The following DOCK5 variants were observed in gnomAD, a reference collection of about 807,000 sequenced individuals.
The protein encoded by DOCK5 is dedicator of cytokinesis 5, also known as dedicator of cytokinesis protein 5.
In DOCK5, 142 loss-of-function variants were observed where a neutral mutation model predicts 251.8. The observed-to-expected ratio is 0.56, with a 90% CI of 0.49 to 0.65. DOCK5 has a LOEUF of 0.65. Among genes scored for constraint, DOCK5 ranks in the 30% least tolerant of loss-of-function variants. The probability of loss-of-function intolerance (pLI) is 0.00; values close to 1 mark genes in which losing one functional copy is unlikely to be tolerated. For synonymous variants in DOCK5, 842 were observed against 835.5 expected (o/e 1.01, Z -0.13); for missense variants, 2,111 against 2,312.3 (o/e 0.91, Z 1.79).
chr8:25,316,945 A>T, intron 13 of DOCK5, 62 bp from the exon 14 acceptor site: 1 of 1,594,050 alleles, frequency 6.3e-7, no homozygotes, highest in Non-Finnish European at 8.6e-7. Context: ...ATGTCGTATG[A>T]CATTCTGAAA....
At chr8:25,211,813 A>T (rs1160005659) in intron 1 of DOCK5, among the ~76,000 whole-genome samples, 1 of 68,866 alleles carries the variant, frequency 1.5e-5, no homozygotes, top group African/African-American at 3.3e-5. Context: ...ATCTCTAAAT[A>T]AATTAATTAA....
chr8:25,199,053 C>T (rs1801804040), intron 1 of DOCK5, among the ~76,000 whole-genome samples: 2 of 152,140 alleles, frequency 1.3e-5, no homozygotes, highest in African/African-American at 4.8e-5. Context: ...ACGGTTTGGC[C>T]ACTGACTTCT....
intron 20 of DOCK5, among the ~76,000 whole-genome samples, chr8:25,333,071 A>G (rs1029687353): frequency 1.3e-5 from 2 of 152,232 alleles, no homozygotes; most frequent in African/African-American, 4.8e-5. Context: ...TCAGAGGTGA[A>G]TCTGAGCCTC....
intron 29 of DOCK5, 103 bp downstream of exon 29, chr8:25,363,244 A>G (rs1702128311): frequency 2.2e-6 from 2 of 927,966 alleles, no homozygotes; most frequent in East Asian, 2.4e-5. Flanking sequence ...CAAACCCATC[A>G]TCTGTAAAGT....
intron 38 of DOCK5, among the ~76,000 whole-genome samples, chr8:25,379,560 CAT>C (rs532182530): frequency 1.4e-4 from 21 of 152,232 alleles, no homozygotes; most frequent in African/African-American, 4.1e-4. Flanking sequence ...TTCAAACGCA[CAT>C]GTTTTACAAT....
intron 1 of DOCK5, among the ~76,000 whole-genome samples, chr8:25,239,930 G>T (rs1253805899): frequency 6.6e-6 from 1 of 152,154 alleles, no homozygotes; most frequent in East Asian, 1.9e-4. Flanking sequence ...GAAAACAGGT[G>T]GCTGGACGTG....
chr8:25,362,462 C>CTTTTTTTTTTTTTTTTT (rs869096662), intron 28 of DOCK5, among the ~76,000 whole-genome samples: 27 of 54,622 alleles, frequency 4.9e-4, no homozygotes, highest in South Asian at 7.0e-4. Flanking sequence ...CTTTTCTTTT[C>CTTTTTTTTTTTTTTTTT]TTTTTTTTTT....
Position 25,395,741 on chromosome 8 carries a change from C to A in DOCK5, c.4704+22C>A, listed in dbSNP as rs763246176. The A allele has an allele frequency of 1.9e-6, 3 of 1,605,732 alleles. No homozygotes were observed. The African/African-American group carries it at 4.0e-5, about 21-fold the overall frequency. ...AAAGGTTCGCTTGGTCCCAGAATCC[C>A]CTAGGGATTCACAGACCTGGGTGTC... On this transcript the variant is annotated intron_variant, in intron 45 of 51. Coordinates refer to ENST00000276440, the MANE Select transcript of DOCK5 (RefSeq NM_024940.8).
rs1480770022 is a variant in DOCK5, at chr8:25,304,458, G to T, written c.1049+131G>T. 6.6e-6 allele frequency: 5 copies of T among 762,434 alleles called. No individual in the cohort carries two copies. The Admixed American group carries it at 9.7e-5, about 15-fold the overall frequency. The allele number at this position is 762,434 out of a possible 1,614,324, so 47.2% of individuals were successfully genotyped here. Reference sequence around the variant, plus strand: ...AAGATTCTAAGCTGCAAGATTGTCAGATAGGAGCTGAACAGAAGACTTTAT... The same window carrying T: ...AAGATTCTAAGCTGCAAGATTGTCATATAGGAGCTGAACAGAAGACTTTAT... On this transcript the variant is annotated intron_variant, in intron 11 of 51. Coordinates refer to ENST00000276440, the MANE Select transcript of DOCK5 (RefSeq NM_024940.8).
chr8:25,377,912 T>TC (rs1254141105), intron 38 of DOCK5, among the ~76,000 whole-genome samples: 2 of 145,800 alleles, frequency 1.4e-5, no homozygotes, highest in Non-Finnish European at 3.0e-5. Flanking sequence ...TGGGGTTTCT[T>TC]TTTTTTTTTT....
intron 2 of DOCK5, among the ~76,000 whole-genome samples, chr8:25,262,005 A>G (rs921456613): frequency 3.3e-5 from 5 of 152,234 alleles, no homozygotes; most frequent in Non-Finnish European, 1.5e-5. Flanking sequence ...TAAGTAATAT[A>G]TACATATAAC....
chr8:25,278,471 T>C, intron 4 of DOCK5, 98 bp from the exon 5 acceptor site: 1 of 1,208,902 alleles, frequency 8.3e-7, no homozygotes, highest in Non-Finnish European at 1.2e-6. Flanking sequence ...CCTAACCAGC[T>C]TCATTCTCAA....
intron 20 of DOCK5, among the ~76,000 whole-genome samples, chr8:25,333,329 G>A (rs1805728124): frequency 6.6e-6 from 1 of 152,204 alleles, no homozygotes; most frequent in East Asian, 1.9e-4. Flanking sequence ...GTCAGTTGCA[G>A]CTTTAGGCGA....
chr8:25,259,116 T>A (rs1345969028), intron 2 of DOCK5, among the ~76,000 whole-genome samples: 1 of 152,182 alleles, frequency 6.6e-6, no homozygotes, highest in Non-Finnish European at 1.5e-5. Flanking sequence ...CGAGACTCTG[T>A]CTCAAAGAAT....
intron 7 of DOCK5, among the ~76,000 whole-genome samples, 174 bp downstream of exon 7, chr8:25,296,822 A>G (rs748359570): frequency 6.6e-6 from 1 of 152,100 alleles, no homozygotes; most frequent in Non-Finnish European, 1.5e-5. Flanking sequence ...ATATGTTCTG[A>G]TATGGAAAGA....
At position 25,411,244 on chromosome 8, in the gene DOCK5, A is replaced by C; in HGVS notation, c.5559A>C (p.Pro1853=). The change falls in exon 52 of 52, where the codon CCA becomes CCC. Residue 1853 remains proline (P), a synonymous_variant. Transcript: ENST00000276440. ...VRREAKAPPP[P]PPKARKSGIP... is the part of the protein sequence containing the mutation. ...GAGAAGCCAAAGCACCACCCCCTCC[A>C]CCTCCAAAGGCTCGGAAGTCTGGCA... 6.3e-7 allele frequency: 1 copy of C among 1,588,842 alleles called. No individual in the cohort carries two copies. The highest frequency in any genetic ancestry group is 2.4e-5 in the East Asian group (1 of 41,442).
intron 26 of DOCK5, among the ~76,000 whole-genome samples, chr8:25,347,907 C>G (rs1441807419): frequency 6.6e-6 from 1 of 152,162 alleles, no homozygotes; most frequent in East Asian, 1.9e-4. Flanking sequence ...CAGAAAGACT[C>G]TTTGGAAATG....
rs780270634 is a variant in DOCK5 at position 25,372,665 on chromosome 8, A to G, written c.3631A>G (p.Ile1211Val). 6.2e-7 allele frequency: 1 copy of G among 1,611,470 alleles called. No homozygotes were observed. The highest frequency in any genetic ancestry group is 1.7e-5 in the Admixed American group (1 of 59,598). Residue 1211 changes from isoleucine to valine, a missense_variant, in exon 35 of 52, where the codon ATC becomes GTC. This residue lies in a region of DOCK5 where 1,717 missense variants were observed against 1,892.4 expected (regional missense o/e 0.91). Transcript: ENST00000276440. Reference sequence around the variant, plus strand: ...GAACCTGCTGGACTATAGAACCATCATCATGCAAGATGAGAGCAAGGAGAA... The same window carrying G: ...GAACCTGCTGGACTATAGAACCATCGTCATGCAAGATGAGAGCAAGGAGAA... ...LENLLDYRTIIMQDESKENRM... is the reference protein window; with the variant it reads ...LENLLDYRTIVMQDESKENRM...
intron 12 of DOCK5, among the ~76,000 whole-genome samples, chr8:25,309,182 C>CATTT (rs1413502744): frequency 1.3e-5 from 2 of 151,944 alleles, no homozygotes; most frequent in Non-Finnish European, 1.5e-5. Flanking sequence ...ACTCTTTATT[C>CATTT]ATTTATTTAT....
Sources: allele counts gnomAD v4.1 joint callset (sites outside exome capture counted in the v4.1 genomes callset), GRCh38; gene constraint gnomAD v4.1.1; regional missense constraint gnomAD v4.1.1; transcripts MANE v1.5; gene names NCBI Gene and HGNC (gene_info 2026-07-23, HGNC 2026-07-21).